The following ZNF718 variants were observed in gnomAD, a reference collection of about 807,000 sequenced individuals.
ZNF718 encodes the protein zinc finger protein 718.
ZNF718 carries 3 observed loss-of-function variants against 2.6 expected under a neutral mutation model. The ratio of observed to expected loss-of-function variants is 1.16; its 90% CI spans 0.53 to 3.01. ZNF718 has a LOEUF of 3.01. Ranked by LOEUF, ZNF718 falls within the 30% of genes most tolerant of loss-of-function variation. The probability of loss-of-function intolerance (pLI) is 0.03; values close to 1 mark genes in which losing one functional copy is unlikely to be tolerated. For synonymous variants in ZNF718, 135 were observed against 77.9 expected (o/e 1.73, Z -3.86); for missense variants, 468 against 230.0 (o/e 2.03, Z -6.69).
At chr4:191,583 C>T (rs1717695039) in intron 3 of ZNF718, among the ~76,000 whole-genome samples, 2 of 151,962 alleles carry the variant, frequency 1.3e-5, no homozygotes, top group South Asian at 4.1e-4. Flanking sequence ...ATATACTTTA[C>T]AAGGATGGAA....
At chr4:171,249 C>G (rs1199448041) in intron 3 of ZNF718, among the ~76,000 whole-genome samples, 3 of 152,092 alleles carry the variant, frequency 2.0e-5, no homozygotes, top group Non-Finnish European at 2.9e-5. Context: ...GTCAGTCTAC[C>G]CCTACTGGGG....
intron 3 of ZNF718, among the ~76,000 whole-genome samples, chr4:145,362 TTTGA>T (rs1250741502): frequency 9.8e-5 from 15 of 152,346 alleles, no homozygotes; most frequent in African/African-American, 3.4e-4. Flanking sequence ...TCTTATATGC[TTTGA>T]TTCTTTTTCT....
At position 132,123 on chromosome 4, in the gene ZNF718, C is replaced by T. The variant is rs1373627351; in HGVS notation, c.226+618C>T. Among the ~76,000 whole-genome samples the T allele has an allele frequency of 1.3e-4, 8 of 62,266 alleles. 3 individuals are homozygous for T. The highest frequency in any genetic ancestry group is 2.5e-4 in the Non-Finnish European group (8 of 32,074). 40.8% of individuals were successfully genotyped at this position (62,266 alleles called of 152,430 possible). On this transcript the variant is annotated intron_variant, in intron 3 of 3. Coordinates refer to ENST00000510175, the MANE Select transcript of ZNF718 (RefSeq NM_001039127.6). ...CTGCACTCCAGCCTGGGCGACAGAGCGAGATTCAGTCTCAAAAAAAAAAAA... is the reference window on the plus strand; with the variant it reads ...CTGCACTCCAGCCTGGGCGACAGAGTGAGATTCAGTCTCAAAAAAAAAAAA...
At chr4:136,527 T>C in intron 3 of ZNF718, 1 of 516,102 alleles carries the variant, frequency 1.9e-6, no homozygotes, top group African/African-American at 1.9e-5. Context: ...GCCATGTCTA[T>C]GGGCTCTTGA....
intron 3 of ZNF718, among the ~76,000 whole-genome samples, chr4:169,550 A>G (rs1221053547): frequency 1.3e-5 from 2 of 152,134 alleles, no homozygotes; most frequent in African/African-American, 4.8e-5. Context: ...TTGGGTGCAT[A>G]TATATTTAGG....
rs782345557 is a variant in ZNF718, at chr4:161,899, A to G, written c.1214A>G (p.Lys405Arg). The G allele has an allele frequency of 1.3e-6, 1 of 780,154 alleles. No individual in the cohort carries two copies. The highest frequency in any genetic ancestry group is 2.4e-6 in the Non-Finnish European group (1 of 417,694). The allele number at this position is 780,154 out of a possible 1,614,324, so 48.3% of individuals were successfully genotyped here. ...YKCEDCGKAF[K>R]VFANLHNHKK... ...TGTGAAGATTGTGGCAAAGCCTTTAAAGTGTTTGCAAACCTGCATAATCAT... is the reference window on the plus strand; with the variant it reads ...TGTGAAGATTGTGGCAAAGCCTTTAGAGTGTTTGCAAACCTGCATAATCAT... The change falls in exon 4 of 4, where the codon AAA becomes AGA. Residue 405 changes from lysine (K) to arginine (R), a missense_variant. Lys to Arg is a conservative substitution (Grantham distance 26). Coordinates refer to ENST00000510175, the MANE Select transcript of ZNF718 (RefSeq NM_001039127.6).
chr4:135,632 G>A (rs1715526811), intron 3 of ZNF718, among the ~76,000 whole-genome samples: 1 of 146,910 alleles, frequency 6.8e-6, no homozygotes, highest in Non-Finnish European at 1.5e-5. Context: ...GTGATTTTGG[G>A]GGCCCCAAGA....
At chr4:172,260 CT>C (rs1276403391) in intron 3 of ZNF718, among the ~76,000 whole-genome samples, 1 of 152,142 alleles carries the variant, frequency 6.6e-6, no homozygotes, top group Non-Finnish European at 1.5e-5. Flanking sequence ...GCATAATGTA[CT>C]CTAAATTTAT....
intron 1 of ZNF718, chr4:124,973 G>C (rs1715132913): frequency 2.8e-6 from 1 of 357,656 alleles, no homozygotes; most frequent in Non-Finnish European, 5.2e-6. Flanking sequence ...GAGGAGCTGT[G>C]GTCCGGAATC....
At chr4:141,627 A>G (rs1581433392) in intron 3 of ZNF718, among the ~76,000 whole-genome samples, 4 of 152,174 alleles carry the variant, frequency 2.6e-5, no homozygotes, top group Non-Finnish European at 2.9e-5. Flanking sequence ...ATGATGTTCA[A>G]TCTGCTTTAG....
intron 3 of ZNF718, among the ~76,000 whole-genome samples, chr4:184,936 A>AT (rs1414911004): frequency 2.0e-5 from 3 of 151,576 alleles, no homozygotes; most frequent in African/African-American, 7.3e-5. Context: ...TATTTTATTA[A>AT]TTTTTTCAAA....
intron 1 of ZNF718, among the ~76,000 whole-genome samples, chr4:125,492 C>CTG (rs1715166942): frequency 6.6e-6 from 1 of 152,146 alleles, no homozygotes; most frequent in Admixed American, 6.5e-5. Flanking sequence ...CTGGACACCC[C>CTG]GTTGGGGTTG....
chr4:180,469 C>T (rs781572960), intron 3 of ZNF718, among the ~76,000 whole-genome samples: 12 of 152,174 alleles, frequency 7.9e-5, no homozygotes, highest in Non-Finnish European at 1.5e-4. Context: ...GAAAAACTCT[C>T]GGTCGGGTTC....
intron 3 of ZNF718, chr4:149,805 T>G (rs1295877724): frequency 6.6e-6 from 1 of 152,182 alleles, no homozygotes; most frequent in African/African-American, 2.4e-5. Flanking sequence ...TATTATTCTG[T>G]GAGACAAACA....
At chr4:152,954 A>G (rs1008804661) in intron 3 of ZNF718, among the ~76,000 whole-genome samples, 2 of 120,062 alleles carry the variant, frequency 1.7e-5, no homozygotes, top group African/African-American at 5.1e-5. Flanking sequence ...AGATTTTTAC[A>G]TGTACTTTGA....
chr4:163,757 C>T lies in ZNF718; in HGVS notation c.*1635C>T, dbSNP rs1398965282. 6.6e-6 allele frequency: 1 copy of T among 152,092 alleles called. No homozygotes were observed. The highest frequency in any genetic ancestry group is 1.5e-5 in the Non-Finnish European group (1 of 68,002). The allele number at this position is 152,092 out of a possible 1,614,324, so 9.4% of individuals were successfully genotyped here. ...AATGGTAACAGTATACTTTTAGTAACATAGTTTAATGACATTTCTAGTAAT... is the reference window on the plus strand; with the variant it reads ...AATGGTAACAGTATACTTTTAGTAATATAGTTTAATGACATTTCTAGTAAT... On this transcript the variant is annotated 3_prime_UTR_variant, in exon 4 of 4. Transcript: ENST00000510175.
chr4:185,683 G>T (rs1717553297), intron 3 of ZNF718, among the ~76,000 whole-genome samples: 1 of 152,136 alleles, frequency 6.6e-6, no homozygotes, highest in South Asian at 2.1e-4. Flanking sequence ...GTGCTCCTGT[G>T]TTGGGTACAT....
Position 131,711 on chromosome 4 carries a change from A to G in ZNF718, c.226+206A>G, listed in dbSNP as rs1715352916. Among the ~76,000 whole-genome samples the G allele has an allele frequency of 5.8e-5, 6 of 103,630 alleles. 3 individuals carry two copies. In the South Asian group the frequency reaches 1.8e-3, roughly 31 times the overall value. The allele number at this position is 103,630 out of a possible 152,430, so 68.0% of individuals were successfully genotyped here. ...AACATAGTGAAACCCCGTCTCTACTAAAAATACAAAAATTAGCCGGGTGTG... is the reference window on the plus strand; with the variant it reads ...AACATAGTGAAACCCCGTCTCTACTGAAAATACAAAAATTAGCCGGGTGTG... On this transcript the variant is annotated intron_variant, in intron 3 of 3. Coordinates refer to ENST00000510175, the MANE Select transcript of ZNF718 (RefSeq NM_001039127.6).
chr4:136,483 A>G, intron 3 of ZNF718: 1 of 524,308 alleles, frequency 1.9e-6, no homozygotes, highest in South Asian at 1.4e-5. Flanking sequence ...CATCCTTAGT[A>G]AGACCAAGCT....
Sources: gnomAD v4.1 joint callset for allele counts (sites outside exome capture counted in the v4.1 genomes callset) on GRCh38, gnomAD v4.1.1 for gene constraint, MANE v1.5 for transcripts, NCBI Gene and HGNC (gene_info 2026-07-23, HGNC 2026-07-21) for gene names.